The following AP2B1 variants were observed in gnomAD, a reference collection of about 807,000 sequenced individuals.
AP2B1 encodes the protein adaptor related protein complex 2 subunit beta 1, also known as AP-2 complex subunit beta.
Under a neutral mutation model 102.0 loss-of-function variants are expected in AP2B1, and 23 were observed. The observed-to-expected ratio is 0.23, with a 90% CI of 0.16 to 0.32. The LOEUF (loss-of-function observed/expected upper bound fraction) is 0.32, where lower values mean the gene tolerates loss of function less well. AP2B1 is among the 10% of genes least tolerant of loss of function. AP2B1 has a pLI of 1.00. For synonymous variants in AP2B1, 381 were observed against 421.2 expected (o/e 0.90, Z 1.17); for missense variants, 541 against 1,157.4 (o/e 0.47, Z 7.73).
chr17:35,679,587 C>CT (rs11395478), intron 17 of AP2B1, among the ~76,000 whole-genome samples: 127,135 of 151,930 alleles, frequency 0.84, 53,716 homozygotes, highest in African/African-American at 0.96. Context: ...CTTTCTTTGA[C>CT]AGTAGTTTTG....
intron 12 of AP2B1, among the ~76,000 whole-genome samples, chr17:35,643,179 T>TAA (rs200853815): frequency 7.6e-5 from 11 of 144,656 alleles, no homozygotes; most frequent in East Asian, 4.0e-4. Context: ...GCTGATGAGC[T>TAA]AAAAAAAAAA....
rs1301533704 is a variant in AP2B1 at position 35,659,843 on chromosome 17, A to G, written c.1989+2052A>G. The G allele has an allele frequency of 5.1e-6, 5 of 985,288 alleles. No homozygotes were observed. The East Asian group carries it at 5.7e-4, about 112-fold the overall frequency. 61.0% of individuals were successfully genotyped at this position (985,288 alleles called of 1,614,324 possible). A position where few individuals can be genotyped will look rare whatever the true frequency, so the allele number is the denominator to read the frequency against. The stretch of plus-strand genomic sequence containing the variant: ...TATCCCAGAAATCAAGATGAGAAGA[A>G]ATTAAAGCCCTTATTTTTGCTTTGG... On this transcript the variant is annotated intron_variant, in intron 14 of 21. Transcript: ENST00000610402.
chr17:35,602,485 G>C (rs907433380), intron 3 of AP2B1, among the ~76,000 whole-genome samples: 1 of 152,212 alleles, frequency 6.6e-6, no homozygotes, highest in African/African-American at 2.4e-5. Flanking sequence ...GAAATACAGT[G>C]TGAACCACAT....
intron 2 of AP2B1, chr17:35,597,023 G>A: frequency 1.6e-6 from 1 of 615,136 alleles, no homozygotes; most frequent in Non-Finnish European, 3.0e-6. Flanking sequence ...TCGGACACAG[G>A]TGGCGGCGAA....
chr17:35,663,941 C>CTTAT (rs930260128), intron 14 of AP2B1, among the ~76,000 whole-genome samples: 1 of 152,090 alleles, frequency 6.6e-6, no homozygotes, highest in Non-Finnish European at 1.5e-5. Context: ...TCATCTTATC[C>CTTAT]TTATTTATTT....
At chr17:35,674,139 C>A (rs1223906778) in intron 16 of AP2B1, 37 bp from the exon 17 acceptor site, 13 of 1,578,438 alleles carry the variant, frequency 8.2e-6, no homozygotes, top group African/African-American at 1.4e-5. Context: ...CAAGATAAAT[C>A]TTGTCTGATT....
chr17:35,707,642 G>A (rs912866820), intron 18 of AP2B1, among the ~76,000 whole-genome samples: 5 of 151,000 alleles, frequency 3.3e-5, no homozygotes, highest in Admixed American at 1.3e-4. Flanking sequence ...TGGTAGAGAC[G>A]GGGTTTCTTC....
chr17:35,674,233 C>T lies in AP2B1; in HGVS notation c.2236C>T (p.Arg746Cys), dbSNP rs746818676. 8.1e-6 allele frequency: 13 copies of T among 1,614,194 alleles called. No individual in the cohort carries two copies. Among genetic ancestry groups the T allele is most frequent in the South Asian group, 1.1e-5 (1 of 91,086 alleles). The change falls in exon 17 of 22, where the codon CGC becomes TGC. Residue 746 changes from arginine (R) to cysteine (C), a missense_variant. Coordinates refer to ENST00000610402, the MANE Select transcript of AP2B1 (RefSeq NM_001030006.2). ...GLEISGTFTHRQGHIYMEMNF... is the reference protein window; with the variant it reads ...GLEISGTFTHCQGHIYMEMNF... Reference sequence around the variant, plus strand: ...GGAGATTTCCGGAACATTTACTCACCGCCAAGGGCACATCTATATGGAAAT... The same window carrying T: ...GGAGATTTCCGGAACATTTACTCACTGCCAAGGGCACATCTATATGGAAAT...
intron 17 of AP2B1, among the ~76,000 whole-genome samples, chr17:35,679,866 C>T (rs1325510037): frequency 6.6e-6 from 1 of 151,304 alleles, no homozygotes; most frequent in Non-Finnish European, 1.5e-5. Flanking sequence ...TGTAGTTTAT[C>T]TAGGAAAAGG....
intron 9 of AP2B1, among the ~76,000 whole-genome samples, chr17:35,630,033 A>G (rs1394057571): frequency 6.6e-6 from 1 of 152,204 alleles, no homozygotes; most frequent in African/African-American, 2.4e-5. Context: ...ATTGGACCAT[A>G]TGATTTCTCA....
At chr17:35,680,464 G>A (rs1255658810) in intron 17 of AP2B1, among the ~76,000 whole-genome samples, 1 of 151,900 alleles carries the variant, frequency 6.6e-6, no homozygotes, top group Non-Finnish European at 1.5e-5. Flanking sequence ...CAACCTCCTG[G>A]ACTCAAGTGA....
At chr17:35,622,856 G>T (rs1444143579) in intron 5 of AP2B1, among the ~76,000 whole-genome samples, 4 of 152,092 alleles carry the variant, frequency 2.6e-5, no homozygotes, top group Admixed American at 2.6e-4. Context: ...AGTAGAGACA[G>T]GGTTTCACCA....
intron 4 of AP2B1, among the ~76,000 whole-genome samples, chr17:35,607,481 A>G (rs2073720372): frequency 6.6e-6 from 1 of 152,234 alleles, no homozygotes; most frequent in Non-Finnish European, 1.5e-5. Context: ...AGTTGTGCAT[A>G]GATTTACATG....
chr17:35,607,265 CAG>C (rs2073712798), intron 4 of AP2B1, among the ~76,000 whole-genome samples: 1 of 152,042 alleles, frequency 6.6e-6, no homozygotes, highest in African/African-American at 2.4e-5. Flanking sequence ...TTAAAAAAAA[CAG>C]ACAGCATTTC....
chr17:35,681,905 A>G (rs1171639714), intron 17 of AP2B1, among the ~76,000 whole-genome samples: 1 of 152,202 alleles, frequency 6.6e-6, no homozygotes, highest in African/African-American at 2.4e-5. Flanking sequence ...GAAAATTATG[A>G]TGTAACCAGT....
intron 13 of AP2B1, among the ~76,000 whole-genome samples, chr17:35,653,689 TG>T (rs1468091793): frequency 5.9e-5 from 9 of 152,308 alleles, no homozygotes; most frequent in Admixed American, 2.6e-4. Flanking sequence ...TTATCCAGGC[TG>T]GTCTCGAACT....
rs1429906993 is a variant in AP2B1, at chr17:35,726,111, C to T, written c.*2412C>T. The stretch of plus-strand genomic sequence containing the variant: ...ATGGAGGTTGCCCTGCATCCCCCCT[C>T]CTCTGCCTGAGTGTGTCTTTGTAAT... On this transcript the variant is annotated 3_prime_UTR_variant, in exon 22 of 22. Coordinates refer to ENST00000610402, the MANE Select transcript of AP2B1 (RefSeq NM_001030006.2). 1.3e-5 allele frequency: 2 copies of T among 152,214 alleles called. No homozygotes were observed. Among genetic ancestry groups the T allele is most frequent in the Non-Finnish European group, 2.9e-5 (2 of 68,046 alleles). 9.4% of individuals were successfully genotyped at this position (152,214 alleles called of 1,614,324 possible). A position where few individuals can be genotyped will look rare whatever the true frequency, so the allele number is the denominator to read the frequency against.
At chr17:35,690,694 G>C (rs1448746664) in intron 18 of AP2B1, among the ~76,000 whole-genome samples, 1 of 152,192 alleles carries the variant, frequency 6.6e-6, no homozygotes, top group East Asian at 1.9e-4. Context: ...TGAGAATTCT[G>C]TGGTGGTATT....
At chr17:35,664,826 T>C (rs2075429524) in intron 14 of AP2B1, among the ~76,000 whole-genome samples, 1 of 152,202 alleles carries the variant, frequency 6.6e-6, no homozygotes, top group Non-Finnish European at 1.5e-5. Flanking sequence ...GGTTCTCTTG[T>C]TGATTTTTAC....
Sources: gnomAD v4.1 joint callset for allele counts (sites outside exome capture counted in the v4.1 genomes callset) on GRCh38, gnomAD v4.1.1 for gene constraint, MANE v1.5 for transcripts, NCBI Gene and HGNC (gene_info 2026-07-23, HGNC 2026-07-21) for gene names.